The following ABHD12B variants were observed in gnomAD, a reference collection of about 807,000 sequenced individuals.
The protein encoded by ABHD12B is abhydrolase domain containing 12B.
A neutral mutation model predicts 50.4 loss-of-function variants in ABHD12B; 42 were observed. The observed-to-expected ratio is 0.83, with a 90% CI of 0.65 to 1.08. The LOEUF is 1.08. Among genes scored for constraint, ABHD12B ranks in the 50% least tolerant of loss-of-function variants. The pLI, the probability that ABHD12B is intolerant of heterozygous loss-of-function variation, is 0.00. For missense variants in ABHD12B, 479 were observed against 447.7 expected (o/e 1.07, Z -0.63); for synonymous variants, 167 against 160.3 (o/e 1.04, Z -0.32).
chr14:50,878,650 G>A (rs1200737339), intron 2 of ABHD12B, 95 bp from the exon 3 acceptor site: 2 of 956,730 alleles, frequency 2.1e-6, no homozygotes, highest in Non-Finnish European at 1.6e-6. Context: ...CAACTTAGAA[G>A]CCTGTTAACC....
At chr14:50,880,726 G>T (rs1463901183) in intron 4 of ABHD12B, among the ~76,000 whole-genome samples, 155 bp downstream of exon 4, 1 of 152,156 alleles carries the variant, frequency 6.6e-6, no homozygotes, top group Non-Finnish European at 1.5e-5. Flanking sequence ...CTGGCAATAA[G>T]CTTCACTTAA....
chr14:50,902,950 G>A (rs2050279349), intron 10 of ABHD12B, among the ~76,000 whole-genome samples: 1 of 152,132 alleles, frequency 6.6e-6, no homozygotes, highest in South Asian at 2.1e-4. Context: ...CTACAAAGAG[G>A]TCTCTGATTC....
chr14:50,895,624 T>A (rs75052830), intron 9 of ABHD12B: 2 of 152,138 alleles, frequency 1.3e-5, no homozygotes, highest in Admixed American at 1.3e-4. Flanking sequence ...TTCCCAGATC[T>A]TCTCGGCTTA....
intron 1 of ABHD12B, 34 bp downstream of exon 1, chr14:50,872,312 C>G (rs768994408): frequency 2.4e-6 from 3 of 1,253,392 alleles, no homozygotes; most frequent in South Asian, 5.6e-5. Flanking sequence ...TGGCCGGGCC[C>G]CGACGGCTCA....
At position 50,872,155 on chromosome 14, in the gene ABHD12B, G is replaced by T. The variant is rs750380439; in HGVS notation, c.-20G>T. The T allele has an allele frequency of 2.3e-6, 3 of 1,282,886 alleles. No homozygotes were observed. The highest frequency in any genetic ancestry group is 3.0e-6 in the Non-Finnish European group (3 of 1,014,744). 79.5% of individuals were successfully genotyped at this position (1,282,886 alleles called of 1,614,324 possible). On this transcript the variant is annotated 5_prime_UTR_variant, in exon 1 of 13. Transcript: ENST00000337334. ...CTGCAGCTCCCGCGGCGGTGGCGGC[G>T]TATCGGGACACGGCGCGGGATGGAC...
chr14:50,892,525 T>C lies in ABHD12B; in HGVS notation c.780+3622T>C, dbSNP rs1039819725. 25 of 985,286 alleles carry C rather than the reference T, an allele frequency of 2.5e-5. No individual in the cohort carries two copies. The South Asian group carries it at 1.1e-3, about 43-fold the overall frequency. The allele number at this position is 985,286 out of a possible 1,614,324, so 61.0% of individuals were successfully genotyped here. On this transcript the variant is annotated intron_variant, in intron 9 of 12. Transcript: ENST00000337334. The stretch of plus-strand genomic sequence containing the variant: ...AACCTCTTAGGAGTGATGGCTTCTG[T>C]CATCTAAGAATAAGGAGAAGCAGCC...
chr14:50,888,942 G>A (rs1423742942), intron 9 of ABHD12B, 39 bp downstream of exon 9: 2 of 1,544,446 alleles, frequency 1.3e-6, no homozygotes, highest in Non-Finnish European at 1.8e-6. Context: ...ATCAAAGTAG[G>A]CTATTTTGAT....
At chr14:50,872,798 G>A (rs1309460666) in intron 1 of ABHD12B, among the ~76,000 whole-genome samples, 1 of 152,216 alleles carries the variant, frequency 6.6e-6, no homozygotes, top group African/African-American at 2.4e-5. Context: ...CCTCCAGTAT[G>A]CTAAAGATGT....
chr14:50,888,958 G>A (rs1159318122), intron 9 of ABHD12B, 55 bp downstream of exon 9: 1 of 1,429,040 alleles, frequency 7.0e-7, no homozygotes, highest in African/African-American at 1.4e-5. Flanking sequence ...TTGATACAGT[G>A]TAGGCTATTT....
intron 9 of ABHD12B, chr14:50,893,718 G>T: frequency 5.0e-6 from 1 of 199,720 alleles, no homozygotes; most frequent in South Asian, 1.0e-4. Flanking sequence ...TAGGTCCTCA[G>T]ACCGACCAGC....
In ABHD12B at chr14:50,904,624, T is replaced by G. The variant is rs1472177845; in HGVS notation, c.*258T>G. 1.8e-6 allele frequency: 1 copy of G among 561,762 alleles called. No individual in the cohort carries two copies. The highest frequency in any genetic ancestry group is 3.0e-5 in the East Asian group (1 of 33,566). The allele number at this position is 561,762 out of a possible 1,614,324, so 34.8% of individuals were successfully genotyped here. On this transcript the variant is annotated 3_prime_UTR_variant, in exon 13 of 13. Transcript: ENST00000337334. ...GAACCAGAATTTGGTAAAATCTAGA[T>G]CCTATCTAAAAATATGTAGTTATTA...
intron 8 of ABHD12B, among the ~76,000 whole-genome samples, chr14:50,888,278 A>C (rs2050069237): frequency 6.7e-6 from 1 of 148,396 alleles, no homozygotes; most frequent in African/African-American, 2.5e-5. Context: ...ATCTCGGCTC[A>C]CTGCAACCTC....
chr14:50,882,412 T>C (rs1313421794), intron 5 of ABHD12B, among the ~76,000 whole-genome samples: 2 of 118,206 alleles, frequency 1.7e-5, no homozygotes, highest in African/African-American at 6.5e-5. Context: ...AGTCTCGCTC[T>C]GTTGCCCAGG....
At position 50,904,708 on chromosome 14, in the gene ABHD12B, C is replaced by T. The variant is rs1048524857; in HGVS notation, c.*342C>T. On this transcript the variant is annotated 3_prime_UTR_variant, in exon 13 of 13. Transcript: ENST00000337334. The stretch of plus-strand genomic sequence containing the variant: ...GCTATGGTCCGAATATCTGGGCCTG[C>T]CCCCCCAAATTATGCTGAAACCTAA... 1 of 362,652 alleles carries T rather than the reference C, an allele frequency of 2.8e-6. No individual in the cohort carries two copies. The highest frequency in any genetic ancestry group is 5.2e-6 in the Non-Finnish European group (1 of 194,060). The allele number at this position is 362,652 out of a possible 1,614,324, so 22.5% of individuals were successfully genotyped here.
intron 1 of ABHD12B, among the ~76,000 whole-genome samples, chr14:50,874,659 G>T (rs951543164): frequency 2.0e-5 from 3 of 152,132 alleles, no homozygotes; most frequent in African/African-American, 7.2e-5. Context: ...GAAGTTGGGG[G>T]AAACCAAAGG....
intron 1 of ABHD12B, among the ~76,000 whole-genome samples, chr14:50,876,309 A>G (rs1490324976): frequency 6.6e-6 from 1 of 152,214 alleles, no homozygotes; most frequent in Non-Finnish European, 1.5e-5. Context: ...GAACTGCTGG[A>G]AATTCATCAG....
intron 5 of ABHD12B, among the ~76,000 whole-genome samples, chr14:50,883,159 C>A (rs1461823320): frequency 6.6e-6 from 1 of 152,148 alleles, no homozygotes; most frequent in Non-Finnish European, 1.5e-5. Context: ...TGCCTCAGAA[C>A]TGGTTGAACA....
intron 8 of ABHD12B, among the ~76,000 whole-genome samples, chr14:50,888,097 GTTCT>G (rs770383612): frequency 1.8e-4 from 28 of 151,926 alleles, no homozygotes; most frequent in Non-Finnish European, 3.8e-4. Context: ...TTTTCTAATT[GTTCT>G]TAGAGTCAGT....
rs749238205 is a variant in ABHD12B, at chr14:50,904,713, C to G, written c.*347C>G. 15 of 356,682 alleles carry G rather than the reference C, an allele frequency of 4.2e-5. No homozygotes were observed. The highest frequency in any genetic ancestry group is 6.3e-5 in the Non-Finnish European group (12 of 190,098). 22.1% of individuals were successfully genotyped at this position (356,682 alleles called of 1,614,324 possible). On this transcript the variant is annotated 3_prime_UTR_variant, in exon 13 of 13. Transcript: ENST00000337334. ...GGTCCGAATATCTGGGCCTGCCCCC[C>G]CAAATTATGCTGAAACCTAATCACC...
Sources: gnomAD v4.1 joint callset for allele counts (sites outside exome capture counted in the v4.1 genomes callset) on GRCh38, gnomAD v4.1.1 for gene constraint, MANE v1.5 for transcripts, NCBI Gene and HGNC (gene_info 2026-07-23, HGNC 2026-07-21) for gene names.